Variants in INPP5B observed in about 807,000 individuals in gnomAD.
INPP5B encodes type II inositol 1,4,5-trisphosphate 5-phosphatase.
Under a neutral mutation model 118.5 loss-of-function variants are expected in INPP5B, and 90 were observed. The ratio of observed to expected loss-of-function variants is 0.76; its 90% confidence interval spans 0.64 to 0.90. INPP5B has a LOEUF of 0.90. Ranked by LOEUF, INPP5B falls within the 40% of genes least tolerant of loss-of-function variation. The pLI, the probability that INPP5B is intolerant of heterozygous loss-of-function variation, is 0.00. For missense variants in INPP5B, 984 were observed against 1,125.6 expected (o/e 0.87, Z 1.80); for synonymous variants, 385 against 418.9 (o/e 0.92, Z 0.99).
chr1:37,886,101 C>T (rs1289811221), intron 12 of INPP5B, among the ~76,000 whole-genome samples: 1 of 151,652 alleles, frequency 6.6e-6, no homozygotes, highest in African/African-American at 2.4e-5. Context: ...TGGTTGAACG[C>T]GGGAGGGAGA....
At chr1:37,935,436 C>T (rs967164770) in intron 6 of INPP5B, among the ~76,000 whole-genome samples, 10 of 151,068 alleles carry the variant, frequency 6.6e-5, no homozygotes, top group Non-Finnish European at 1.3e-4. Context: ...TCGTGATCCG[C>T]CCCGCCTTGG....
In INPP5B at chr1:37,870,292, G is replaced by T. The variant is rs750980574; in HGVS notation, c.2188-1678C>A. Among the ~76,000 whole-genome samples the T allele has an allele frequency of 2.9e-4, 44 of 151,884 alleles. 1 individual carries two copies. Among genetic ancestry groups the T allele is most frequent in the African/African-American group, 4.8e-5 (2 of 41,336 alleles). ...ACCCAGCTCATTTCTTAATTTTTTTGTAGAGATGGAGTCTCATTACGTTGA... is the reference window on the plus strand; with the variant it reads ...ACCCAGCTCATTTCTTAATTTTTTTTTAGAGATGGAGTCTCATTACGTTGA... On this transcript the variant is annotated intron_variant, in intron 19 of 23. Coordinates refer to ENST00000373024, the MANE Select transcript of INPP5B (RefSeq NM_005540.3).
intron 7 of INPP5B, chr1:37,928,445 GC>G (rs1398428946): frequency 6.6e-6 from 1 of 152,490 alleles, no homozygotes; most frequent in African/African-American, 2.4e-5. Context: ...TGCAACCTCT[GC>G]CTCCCAGGTT....
chr1:37,887,446 T>C lies in INPP5B; in HGVS notation c.919A>G (p.Ser307Gly). The C allele has an allele frequency of 6.2e-7, 1 of 1,611,434 alleles. No homozygotes were observed. Among genetic ancestry groups the C allele is most frequent in the South Asian group, 1.1e-5 (1 of 90,846 alleles). Residue 307 changes from serine to glycine, a missense_variant, in exon 11 of 24, where the codon AGT becomes GGT. Transcript: ENST00000373024. ...YCVGFQELDL[S>G]KEAFFFHDTP... ...TCGTGAAAGAAAAAAGCTTCCTTAC[T>C]CAGATCAAGCTCCTGGAACCTATTT...
chr1:37,945,700 T>C, intron 3 of INPP5B, 56 bp downstream of exon 3: 1 of 1,242,724 alleles, frequency 8.0e-7, no homozygotes, highest in Non-Finnish European at 1.2e-6. Flanking sequence ...AGCTGGAGGG[T>C]GCAGTGATGA....
Position 37,888,345 on chromosome 1 carries a change from C to A in INPP5B, c.798-1G>T. On this transcript the variant is annotated splice_acceptor_variant, in intron 9 of 23. Coordinates refer to ENST00000373024, the MANE Select transcript of INPP5B (RefSeq NM_005540.3). LOFTEE classifies it high-confidence loss of function. ...TACATTGTATGTTCCCGCAAAAAAC[C>A]TGTCACCAAAGAGAAATAATTAGTG... 6.6e-7 allele frequency: 1 copy of A among 1,522,614 alleles called. No homozygotes were observed. The highest frequency in any genetic ancestry group is 8.8e-7 in the Non-Finnish European group (1 of 1,133,992). 94.3% of individuals were successfully genotyped at this position (1,522,614 alleles called of 1,614,324 possible).
intron 6 of INPP5B, 55 bp downstream of exon 6, chr1:37,940,633 G>A: frequency 3.0e-6 from 3 of 987,276 alleles, no homozygotes; most frequent in African/African-American, 3.2e-5. Context: ...ACTGGGGTGG[G>A]TAGGTGAATA....
chr1:37,872,314 G>A (rs1203052612), intron 19 of INPP5B, among the ~76,000 whole-genome samples: 4 of 143,658 alleles, frequency 2.8e-5, no homozygotes, highest in Non-Finnish European at 4.5e-5. Context: ...AGGTTACGGT[G>A]AGCCAAGATC....
intron 16 of INPP5B, 83 bp from the exon 17 acceptor site, chr1:37,875,799 G>A: frequency 2.2e-6 from 2 of 890,580 alleles, no homozygotes; most frequent in South Asian, 1.4e-5. Flanking sequence ...CACAGCACTG[G>A]GAAATAGCAG....
At chr1:37,878,363 A>T in intron 15 of INPP5B, 40 bp from the exon 16 acceptor site, 2 of 1,609,974 alleles carry the variant, frequency 1.2e-6, no homozygotes, top group Non-Finnish European at 1.7e-6. Context: ...TCACAGAAAC[A>T]GCAGTGCCCG....
chr1:37,867,919 C>G (rs1031220392), intron 20 of INPP5B, among the ~76,000 whole-genome samples: 12 of 152,150 alleles, frequency 7.9e-5, no homozygotes, highest in Non-Finnish European at 1.5e-4. Flanking sequence ...TCCTGAGAGG[C>G]CTCCAGGCAG....
intron 6 of INPP5B, among the ~76,000 whole-genome samples, chr1:37,934,122 C>T (rs937051004): frequency 8.6e-5 from 13 of 151,720 alleles, no homozygotes; most frequent in South Asian, 6.2e-4. Context: ...TTAGTAGAGG[C>T]GAGGTTTCAC....
At chr1:37,929,318 C>A in intron 7 of INPP5B, 1 of 152,118 alleles carries the variant, frequency 6.6e-6, no homozygotes, top group Non-Finnish European at 1.5e-5. Flanking sequence ...CAGGGTTTCG[C>A]CATGTTGGCC....
At chr1:37,870,158 T>C (rs1269949221) in intron 19 of INPP5B, 1 of 152,130 alleles carries the variant, frequency 6.6e-6, no homozygotes, top group African/African-American at 2.4e-5. Context: ...CTTCTTTTTT[T>C]TTTTAGAGAC....
intron 7 of INPP5B, among the ~76,000 whole-genome samples, chr1:37,902,627 G>T (rs375794958): frequency 6.6e-6 from 1 of 151,848 alleles, no homozygotes; most frequent in Non-Finnish European, 1.5e-5. Context: ...GCACAATCTC[G>T]GCTCACTGCA....
At position 37,862,278 on chromosome 1, in the gene INPP5B, A is replaced by G; in HGVS notation, c.*37T>C. ...TGAGCTGAAACAGGTGGGGCTGGTA[A>G]TTGGCAGCCTCAAGTAAAATAGGAG... is the stretch of plus-strand genomic sequence containing the variant. On this transcript the variant is annotated 3_prime_UTR_variant, in exon 24 of 24. Coordinates refer to ENST00000373024, the MANE Select transcript of INPP5B (RefSeq NM_005540.3). 1.4e-6 allele frequency: 2 copies of G among 1,380,840 alleles called. No individual in the cohort carries two copies. The highest frequency in any genetic ancestry group is 2.1e-6 in the Non-Finnish European group (2 of 968,220). The allele number at this position is 1,380,840 out of a possible 1,614,324, so 85.5% of individuals were successfully genotyped here. A position where few individuals can be genotyped will look rare whatever the true frequency, so the allele number is the denominator to read the frequency against.
chr1:37,928,131 T>C (rs896476375), intron 7 of INPP5B, among the ~76,000 whole-genome samples: 4 of 151,970 alleles, frequency 2.6e-5, no homozygotes, highest in Non-Finnish European at 5.9e-5. Flanking sequence ...GACTGCCAGC[T>C]CCTGAGGGGT....
At chr1:37,872,238 C>T (rs886560994) in intron 19 of INPP5B, among the ~76,000 whole-genome samples, 1 of 149,020 alleles carries the variant, frequency 6.7e-6, no homozygotes, top group African/African-American at 2.5e-5. Context: ...GGCGTGGTGG[C>T]GCATGCCTGT....
chr1:37,920,900 A>G (rs1009965568), intron 7 of INPP5B, among the ~76,000 whole-genome samples: 2 of 151,930 alleles, frequency 1.3e-5, no homozygotes, highest in Non-Finnish European at 2.9e-5. Context: ...AGGTCAGGAG[A>G]TCGAGACCAT....
Sources: allele counts gnomAD v4.1 joint callset (sites outside exome capture counted in the v4.1 genomes callset), GRCh38; gene constraint gnomAD v4.1.1; transcripts MANE v1.5; gene names NCBI Gene and HGNC (gene_info 2026-07-23, HGNC 2026-07-21).